The following PDSS2 variants were observed in gnomAD, a reference collection of about 807,000 sequenced individuals.
PDSS2 encodes the protein all trans-polyprenyl-diphosphate synthase PDSS2.
A neutral mutation model predicts 44.5 loss-of-function variants in PDSS2; 31 were observed. That is an observed-to-expected ratio of 0.70 (90% CI 0.52 to 0.94). The LOEUF is 0.94. Among genes scored for constraint, PDSS2 ranks in the 40% least tolerant of loss-of-function variants. PDSS2 has a pLI of 0.00. For synonymous variants in PDSS2, 157 were observed against 180.3 expected (o/e 0.87, Z 1.03); for missense variants, 452 against 482.2 (o/e 0.94, Z 0.59).
At chr6:107,405,663 C>T (rs1053595626) in intron 1 of PDSS2, among the ~76,000 whole-genome samples, 14 of 151,692 alleles carry the variant, frequency 9.2e-5, no homozygotes, top group East Asian at 7.7e-4. Flanking sequence ...CCGGCTAAAA[C>T]GGTGAAACCC....
At chr6:107,248,395 T>C (rs1774698459) in intron 3 of PDSS2, among the ~76,000 whole-genome samples, 1 of 151,456 alleles carries the variant, frequency 6.6e-6, no homozygotes, top group South Asian at 2.1e-4. Flanking sequence ...CCAGGACTTT[T>C]GTTTCTCAGG....
At chr6:107,293,476 C>T (rs1193890371) in intron 2 of PDSS2, among the ~76,000 whole-genome samples, 1 of 152,166 alleles carries the variant, frequency 6.6e-6, no homozygotes, top group Non-Finnish European at 1.5e-5. Flanking sequence ...ATCACTTGCC[C>T]TCCCATAGTG....
chr6:107,341,644 TA>T (rs1778082652), intron 1 of PDSS2, among the ~76,000 whole-genome samples: 1 of 151,978 alleles, frequency 6.6e-6, no homozygotes, highest in African/African-American at 2.4e-5. Flanking sequence ...TACAAACAAA[TA>T]AAAGGCCTCC....
At chr6:107,406,746 A>C (rs540333605) in intron 1 of PDSS2, among the ~76,000 whole-genome samples, 1 of 152,354 alleles carries the variant, frequency 6.6e-6, no homozygotes, top group Non-Finnish European at 1.5e-5. Flanking sequence ...AGAAGGTCAA[A>C]TTCACAAGAG....
chr6:107,452,507 C>T (rs1348875268), intron 1 of PDSS2, among the ~76,000 whole-genome samples: 2 of 152,146 alleles, frequency 1.3e-5, no homozygotes, highest in Non-Finnish European at 2.9e-5. Context: ...TCTGGGATTA[C>T]AGGCATGAGC....
intron 1 of PDSS2, among the ~76,000 whole-genome samples, chr6:107,374,701 A>G (rs1779230573): frequency 6.6e-6 from 1 of 152,168 alleles, no homozygotes; most frequent in African/African-American, 2.4e-5. Context: ...TTTTCACAGT[A>G]TCTTTTTCTT....
intron 1 of PDSS2, among the ~76,000 whole-genome samples, chr6:107,450,957 A>G (rs1296374152): frequency 6.6e-6 from 1 of 152,132 alleles, no homozygotes; most frequent in Non-Finnish European, 1.5e-5. Flanking sequence ...CAACCTCCCA[A>G]GTAGCTGGGA....
At chr6:107,159,500 T>G (rs373168542) in intron 7 of PDSS2, among the ~76,000 whole-genome samples, 53 of 149,380 alleles carry the variant, frequency 3.5e-4, no homozygotes, top group African/African-American at 1.2e-3. Flanking sequence ...CACTGCTACC[T>G]CCGCCTCCCG....
chr6:107,459,469 C>G lies in PDSS2; in HGVS notation c.-184G>C. 1.6e-6 allele frequency: 1 copy of G among 613,034 alleles called. No homozygotes were observed. The highest frequency in any genetic ancestry group is 1.9e-5 in the South Asian group (1 of 51,682). The allele number at this position is 613,034 out of a possible 1,614,324, so 38.0% of individuals were successfully genotyped here. ...TAACTGCTGCTTTCTGCAGCCCAGG[C>G]TGGGCAAACAACAGTCCCAGCTCAG... On this transcript the variant is annotated 5_prime_UTR_variant, in exon 1 of 8. Coordinates refer to ENST00000369037, the MANE Select transcript of PDSS2 (RefSeq NM_020381.4). This position sits in a 1 kb window ranked among gnomAD's most constrained non-coding sequence, Gnocchi z 4.3.
intron 1 of PDSS2, among the ~76,000 whole-genome samples, chr6:107,375,586 C>T (rs1779262003): frequency 6.6e-6 from 1 of 152,144 alleles, no homozygotes; most frequent in African/African-American, 2.4e-5. Flanking sequence ...TGAATTCTAT[C>T]AAATATTTAT....
At chr6:107,211,514 G>A (rs868484825) in intron 5 of PDSS2, among the ~76,000 whole-genome samples, 5 of 151,518 alleles carry the variant, frequency 3.3e-5, no homozygotes, top group Non-Finnish European at 4.4e-5. Context: ...GGCAGATCAC[G>A]AGGTCAGGAA....
intron 3 of PDSS2, among the ~76,000 whole-genome samples, chr6:107,249,721 C>T (rs565090246): frequency 7.2e-5 from 11 of 152,294 alleles, no homozygotes; most frequent in African/African-American, 2.4e-4. Flanking sequence ...GTGTCATGAG[C>T]TGGCTTCTCC....
At chr6:107,206,996 GTT>G (rs200710467) in intron 6 of PDSS2, among the ~76,000 whole-genome samples, 31 of 142,364 alleles carry the variant, frequency 2.2e-4, no homozygotes, top group Non-Finnish European at 2.2e-4. Flanking sequence ...TGCTATTATT[GTT>G]TTTTTTTTTT....
intron 2 of PDSS2, among the ~76,000 whole-genome samples, chr6:107,303,703 T>TAGTGGGGA (rs1562448567): frequency 6.6e-6 from 1 of 152,194 alleles, no homozygotes; most frequent in Non-Finnish European, 1.5e-5. Flanking sequence ...TACCACAATA[T>TAGTGGGGA]TCTCCAGACC....
rs771922053 is a variant in PDSS2, at chr6:107,212,161, T to A, written c.824A>T (p.Glu275Val). 4.3e-6 allele frequency: 7 copies of A among 1,614,160 alleles called. No individual in the cohort carries two copies. The South Asian group carries it at 7.7e-5, about 18-fold the overall frequency. The change falls in exon 5 of 8, where the codon GAG becomes GTG. Residue 275 changes from glutamate (E) to valine (V), a missense_variant. Glu to Val is a moderately radical substitution (Grantham distance 121). Coordinates refer to ENST00000369037, the MANE Select transcript of PDSS2 (RefSeq NM_020381.4). The stretch of plus-strand genomic sequence containing the variant: ...ATACTGAAATGCCATATTCTGAACC[T>A]CAGCATCATGCTTTGCTAATTCCAT... ...AAMELAKHDA[E>V]VQNMAFQYGK...
chr6:107,329,271 T>C (rs1777641309), intron 2 of PDSS2, among the ~76,000 whole-genome samples: 2 of 152,200 alleles, frequency 1.3e-5, no homozygotes, highest in Middle Eastern at 3.2e-3. Flanking sequence ...GTGAAGTACA[T>C]ACTGAGGTGC....
chr6:107,289,558 C>T (rs117463061), intron 2 of PDSS2, among the ~76,000 whole-genome samples: 2 of 151,322 alleles, frequency 1.3e-5, no homozygotes, highest in African/African-American at 4.9e-5. Flanking sequence ...ATTAGCTGGA[C>T]GTGGTGGTGT....
chr6:107,267,614 G>A (rs945723786), intron 3 of PDSS2, among the ~76,000 whole-genome samples: 2 of 149,244 alleles, frequency 1.3e-5, no homozygotes, highest in East Asian at 1.9e-4. Context: ...TTTGAGACAG[G>A]GGCTCTATTG....
intron 7 of PDSS2, among the ~76,000 whole-genome samples, chr6:107,160,441 T>A (rs1274510313): frequency 6.6e-6 from 1 of 152,064 alleles, no homozygotes; most frequent in Non-Finnish European, 1.5e-5. Context: ...CTCTACCTCC[T>A]GTGCACAAGC....
Sources: allele counts gnomAD v4.1 joint callset (sites outside exome capture counted in the v4.1 genomes callset), GRCh38; gene constraint gnomAD v4.1.1; non-coding constraint Gnocchi (gnomAD v3.1); transcripts MANE v1.5; gene names NCBI Gene and HGNC (gene_info 2026-07-23, HGNC 2026-07-21).